TADA3: variants seen among roughly 807,000 people sequenced by gnomAD.
TADA3 encodes transcriptional adaptor 3.
TADA3 carries 25 observed loss-of-function variants against 43.2 expected under a neutral mutation model. The observed-to-expected ratio is 0.58, with a 90% CI of 0.42 to 0.81. The LOEUF (loss-of-function observed/expected upper bound fraction) is 0.81, where lower values mean the gene tolerates loss of function less well. Among genes scored for constraint, TADA3 ranks in the 30% least tolerant of loss-of-function variants. The pLI is 0.00. For synonymous variants in TADA3, 235 were observed against 225.5 expected (o/e 1.04, Z -0.38); for missense variants, 441 against 567.8 (o/e 0.78, Z 2.27).
At chr3:9,789,196 A>T (rs1257632890) in intron 4 of TADA3, among the ~76,000 whole-genome samples, 2 of 152,162 alleles carry the variant, frequency 1.3e-5, no homozygotes, top group African/African-American at 4.8e-5. Flanking sequence ...ACAGGAAGAG[A>T]GTTAAGAGGC....
rs759789340 is a variant in TADA3 at position 9,781,638 on chromosome 3, C to A, written c.1107-1089G>T. ...CCAGATCAATCTCTCTGAACAGGGT[C>A]TGATTTATACATTTCATCGATGGTG... On this transcript the variant is annotated intron_variant, in intron 8 of 8. Transcript: ENST00000301964. 9.1e-5 allele frequency: 40 copies of A among 438,282 alleles called. 1 individual carries two copies. Among genetic ancestry groups the A allele is most frequent in the South Asian group, 6.2e-4 (40 of 64,220 alleles). The allele number at this position is 438,282 out of a possible 1,614,324, so 27.1% of individuals were successfully genotyped here. A position where few individuals can be genotyped will look rare whatever the true frequency, so the allele number is the denominator to read the frequency against.
chr3:9,788,768 G>A (rs1282310109), intron 4 of TADA3, among the ~76,000 whole-genome samples: 1 of 151,624 alleles, frequency 6.6e-6, no homozygotes, highest in Non-Finnish European at 1.5e-5. Flanking sequence ...TTGAACTCCT[G>A]ACCTCAGATG....
At chr3:9,792,815 T>G, upstream of TADA3, 1 of 1,352,084 alleles carries the variant, frequency 7.4e-7, no homozygotes. Context: ...GCTGTACCAT[T>G]GCATACCTGG....
intron 6 of TADA3, among the ~76,000 whole-genome samples, chr3:9,786,594 C>T (rs1236882711): frequency 6.6e-6 from 1 of 152,176 alleles, no homozygotes; most frequent in Non-Finnish European, 1.5e-5. Flanking sequence ...ATCTGTAACA[C>T]AGCGTTAACC....
chr3:9,780,476 C>T lies in TADA3; in HGVS notation c.1180G>A (p.Ala394Thr), dbSNP rs1380639431. 4 of 1,611,232 alleles carry T rather than the reference C, an allele frequency of 2.5e-6. No homozygotes were observed. The highest frequency in any genetic ancestry group is 1.7e-5 in the Admixed American group (1 of 60,002). Residue 394 changes from alanine to threonine, a missense_variant, in exon 9 of 9, where the codon GCC becomes ACC. Coordinates refer to ENST00000301964, the MANE Select transcript of TADA3 (RefSeq NM_006354.5). ...CGGGCAGCCATGATCTTGCGAAAGG[C>T]GTCCATGACCTCGTTGTCAGCCATG... ...VRMADNEVMD[A>T]FRKIMAARQK...
At chr3:9,786,926 G>A in intron 6 of TADA3, 80 bp downstream of exon 6, 1 of 1,327,392 alleles carries the variant, frequency 7.5e-7, no homozygotes, top group Non-Finnish European at 1.1e-6. Flanking sequence ...ATAAATGTAT[G>A]ATAAATTCCG....
chr3:9,783,895 T>C, intron 8 of TADA3, 133 bp downstream of exon 8: 2 of 1,409,828 alleles, frequency 1.4e-6, no homozygotes, highest in South Asian at 1.6e-5. Flanking sequence ...ACTGCTGTTT[T>C]TTTCGAGGCT....
Position 9,784,228 on chromosome 3 carries a change from AG to A in TADA3, c.921-16del, listed in dbSNP as rs749392272. 16 of 1,595,050 alleles carry A rather than the reference AG, an allele frequency of 1.0e-5. No individual in the cohort carries two copies. Among genetic ancestry groups the A allele is most frequent in the African/African-American group, 5.4e-5 (4 of 74,534 alleles). ...TATGCGGCACACTGCAGCGGGAGGC[AG>A]GCCCGTCAGACTCAAGAGCCAGCTT... is the stretch of plus-strand genomic sequence containing the variant. On this transcript the variant is annotated splice_polypyrimidine_tract_variant and intron_variant, in intron 7 of 8. Coordinates refer to ENST00000301964, the MANE Select transcript of TADA3 (RefSeq NM_006354.5).
In TADA3 at chr3:9,792,451, A is replaced by T. The variant is rs930958560; in HGVS notation, c.-263T>A. 13 of 1,149,008 alleles carry T rather than the reference A, an allele frequency of 1.1e-5. No individual in the cohort carries two copies. The East Asian group carries it at 4.0e-4, about 36-fold the overall frequency. 71.2% of individuals were successfully genotyped at this position (1,149,008 alleles called of 1,614,324 possible). ...GGGAGGGGGCGGGGAGTTCCGGTCG[A>T]TGTGAGCAACCGCCCCGGAACTGGC... On this transcript the variant is annotated 5_prime_UTR_variant, in exon 1 of 9. Coordinates refer to ENST00000301964, the MANE Select transcript of TADA3 (RefSeq NM_006354.5).
intron 4 of TADA3, chr3:9,787,864 C>A (rs2078652942): frequency 8.4e-6 from 4 of 474,242 alleles, no homozygotes; most frequent in Non-Finnish European, 1.5e-5. Flanking sequence ...GAGATCAGGG[C>A]CTTGAAGGGT....
intron 7 of TADA3, 28 bp downstream of exon 7, chr3:9,785,288 T>C: frequency 6.4e-7 from 1 of 1,561,996 alleles, no homozygotes; most frequent in Non-Finnish European, 8.8e-7. Context: ...GGGGCCAGAC[T>C]GTGGGTTGTG....
intron 4 of TADA3, chr3:9,787,620 C>G: frequency 1.6e-6 from 2 of 1,240,124 alleles, no homozygotes; most frequent in South Asian, 2.7e-5. Flanking sequence ...TGTCTCAGGT[C>G]ACAGCAATTG....
Position 9,785,431 on chromosome 3 carries a change from A to T in TADA3, c.811-6T>A, listed in dbSNP as rs1559717976. The T allele has an allele frequency of 6.2e-7, 1 of 1,601,058 alleles. No homozygotes were observed. The highest frequency in any genetic ancestry group is 8.6e-7 in the Non-Finnish European group (1 of 1,168,504). ...ATAGGGGAAATAATATTTTCCTAGA[A>T]GACCACAAAAATGAGTGGAAGGAAA... On this transcript the variant is annotated splice_region_variant and splice_polypyrimidine_tract_variant and intron_variant, in intron 6 of 8. Transcript: ENST00000301964.
intron 4 of TADA3, among the ~76,000 whole-genome samples, chr3:9,789,075 A>G (rs1030183383): frequency 6.6e-6 from 1 of 152,140 alleles, no homozygotes; most frequent in Admixed American, 6.5e-5. Context: ...AGCTCAAGCA[A>G]TCTGCCCGCC....
chr3:9,792,417 A>T lies in TADA3; in HGVS notation c.-229T>A. 9.9e-7 allele frequency: 1 copy of T among 1,005,198 alleles called. No homozygotes were observed. The highest frequency in any genetic ancestry group is 1.2e-6 in the Non-Finnish European group (1 of 821,476). 62.3% of individuals were successfully genotyped at this position (1,005,198 alleles called of 1,614,324 possible). On this transcript the variant is annotated 5_prime_UTR_variant, in exon 1 of 9. Coordinates refer to ENST00000301964, the MANE Select transcript of TADA3 (RefSeq NM_006354.5). ...CCTCGCTGCGGCCTCCTACGGCCCC[A>T]GGGGCCGCGGGAGGGGGCGGGGAGT...
chr3:9,787,763 G>A, intron 4 of TADA3: 4 of 1,236,624 alleles, frequency 3.2e-6, no homozygotes, highest in Non-Finnish European at 4.3e-6. Flanking sequence ...TGAAGTGAAA[G>A]AGAGAGATCA....
chr3:9,789,970 T>G lies in TADA3; in HGVS notation c.208-7A>C. 1 of 1,580,528 alleles carries G rather than the reference T, an allele frequency of 6.3e-7. No individual in the cohort carries two copies. The highest frequency in any genetic ancestry group is 8.6e-7 in the Non-Finnish European group (1 of 1,164,714). ...CCTGCCAGTCGGTGAGGATCTGAAA[T>G]TTACAGAAAGTGTCACTGAGGGGGA... is the stretch of plus-strand genomic sequence containing the variant. On this transcript the variant is annotated splice_region_variant and splice_polypyrimidine_tract_variant and intron_variant, in intron 2 of 8. Transcript: ENST00000301964.
chr3:9,789,213 G>C (rs1022417558), intron 4 of TADA3, among the ~76,000 whole-genome samples: 3 of 152,206 alleles, frequency 2.0e-5, no homozygotes, highest in Non-Finnish European at 4.4e-5. Flanking sequence ...AGGCTGTTTG[G>C]ATAGAAGTTG....
upstream of TADA3, chr3:9,792,912 G>T (rs888888465): frequency 7.4e-5 from 104 of 1,399,712 alleles, no homozygotes; most frequent in Non-Finnish European, 9.6e-5. Context: ...AGTGACTCGA[G>T]TGCAAGAATT....
Sources: allele counts gnomAD v4.1 joint callset (sites outside exome capture counted in the v4.1 genomes callset), GRCh38; gene constraint gnomAD v4.1.1; transcripts MANE v1.5; gene names NCBI Gene and HGNC (gene_info 2026-07-23, HGNC 2026-07-21).